MRPS27: variants seen among roughly 807,000 people sequenced by gnomAD.
MRPS27 encodes the protein small ribosomal subunit protein mS27.
In MRPS27, 43 loss-of-function variants were observed where a neutral mutation model predicts 48.9. The observed-to-expected ratio is 0.88, with a 90% confidence interval of 0.69 to 1.13. MRPS27 has a LOEUF of 1.13. Ranked by LOEUF, MRPS27 falls within the 50% of genes most tolerant of loss-of-function variation. The pLI, the probability that MRPS27 is intolerant of heterozygous loss-of-function variation, is 0.00. For synonymous variants in MRPS27, 188 were observed against 171.9 expected (o/e 1.09, Z -0.73); for missense variants, 467 against 476.3 (o/e 0.98, Z 0.18).
At chr5:72,276,966 G>C (rs1211393087) in intron 4 of MRPS27, among the ~76,000 whole-genome samples, 1 of 152,062 alleles carries the variant, frequency 6.6e-6, no homozygotes, top group African/African-American at 2.4e-5. Flanking sequence ...AGGAGGCGGA[G>C]GTTGCAATGA....
At chr5:72,291,245 CA>C (rs763719934) in intron 4 of MRPS27, among the ~76,000 whole-genome samples, 12 of 151,972 alleles carry the variant, frequency 7.9e-5, no homozygotes, top group Admixed American at 5.9e-4. Context: ...ATTTAAAACC[CA>C]AAAAACCTAA....
In MRPS27 at chr5:72,226,135, T is replaced by C; in HGVS notation, c.759A>G (p.Pro253=). The change falls in exon 9 of 11, where the codon CCA becomes CCG. Residue 253 remains proline (P), a synonymous_variant. Coordinates refer to ENST00000261413, the MANE Select transcript of MRPS27 (RefSeq NM_015084.3). ...VYHNMPLIWK[P]GYLDRALQVM... is the part of the protein sequence containing the mutation. Reference sequence around the variant, plus strand: ...CTTGAAGGGCTCTGTCAAGGTAGCCTGGTTTCCATATCAGAGGCATGTTGT... The same window carrying C: ...CTTGAAGGGCTCTGTCAAGGTAGCCCGGTTTCCATATCAGAGGCATGTTGT... The C allele has an allele frequency of 1.2e-6, 2 of 1,613,860 alleles. No individual in the cohort carries two copies. Among genetic ancestry groups the C allele is most frequent in the Non-Finnish European group, 1.7e-6 (2 of 1,179,840 alleles).
chr5:72,254,360 G>A (rs1046369856), intron 4 of MRPS27, among the ~76,000 whole-genome samples: 10 of 152,092 alleles, frequency 6.6e-5, no homozygotes, highest in African/African-American at 2.4e-4. Flanking sequence ...GGTGTGTGGT[G>A]GTGTGCACAC....
intron 4 of MRPS27, among the ~76,000 whole-genome samples, chr5:72,283,202 C>A (rs1749576517): frequency 6.6e-6 from 1 of 152,208 alleles, no homozygotes; most frequent in South Asian, 2.1e-4. Flanking sequence ...CCAGTCACCT[C>A]TTTCTTCCCA....
At chr5:72,285,061 G>A (rs56389225) in intron 4 of MRPS27, among the ~76,000 whole-genome samples, 4 of 152,230 alleles carry the variant, frequency 2.6e-5, no homozygotes, top group South Asian at 2.1e-4. Context: ...AAGTTGTACC[G>A]ATTTATATAT....
In MRPS27 at chr5:72,295,333, C is replaced by A. The variant is rs566886381; in HGVS notation, c.281+198G>T. The stretch of plus-strand genomic sequence containing the variant: ...AACCTAGAGGTCCATAAAAAGGGAA[C>A]TGGTTTAAATAATAAACTCACAGTA... On this transcript the variant is annotated intron_variant, in intron 4 of 10. Transcript: ENST00000261413. 2.3e-4 allele frequency: 109 copies of A among 481,620 alleles called. 1 individual carries two copies. In the South Asian group the frequency reaches 3.9e-3, roughly 17 times the overall value. 29.8% of individuals were successfully genotyped at this position (481,620 alleles called of 1,614,324 possible). A position where few individuals can be genotyped will look rare whatever the true frequency, so the allele number is the denominator to read the frequency against.
At chr5:72,309,666 C>A (rs1750385363) in intron 2 of MRPS27, among the ~76,000 whole-genome samples, 1 of 152,238 alleles carries the variant, frequency 6.6e-6, no homozygotes, top group African/African-American at 2.4e-5. Flanking sequence ...AACACCAAGA[C>A]ACCAAACCTA....
chr5:72,255,239 T>C (rs973277610), intron 4 of MRPS27, among the ~76,000 whole-genome samples: 36 of 151,942 alleles, frequency 2.4e-4, no homozygotes, highest in Middle Eastern at 3.4e-3. Context: ...TTAGTACAGA[T>C]AGGGTTTCTC....
intron 4 of MRPS27, among the ~76,000 whole-genome samples, chr5:72,284,671 G>C (rs1371817676): frequency 2.0e-5 from 3 of 152,094 alleles, no homozygotes; most frequent in Non-Finnish European, 2.9e-5. Flanking sequence ...TCATTCCAGA[G>C]ATATTTTATG....
chr5:72,259,669 T>C (rs967786130), intron 4 of MRPS27, among the ~76,000 whole-genome samples: 2 of 152,156 alleles, frequency 1.3e-5, no homozygotes, highest in African/African-American at 2.4e-5. Flanking sequence ...TGGTGTTTAT[T>C]TGACTAATTC....
intron 1 of MRPS27, among the ~76,000 whole-genome samples, chr5:72,318,338 C>T (rs1750616235): frequency 6.6e-6 from 1 of 152,258 alleles, no homozygotes; most frequent in Non-Finnish European, 1.5e-5. Flanking sequence ...GCCAACTGTA[C>T]TCCCGCATAC....
chr5:72,280,719 C>A (rs1298569486), intron 4 of MRPS27, among the ~76,000 whole-genome samples: 1 of 152,208 alleles, frequency 6.6e-6, no homozygotes, highest in Non-Finnish European at 1.5e-5. Context: ...ATGCTCCCAG[C>A]CCACAGAACA....
rs139794416 is a variant in MRPS27 at position 72,291,587 on chromosome 5, A to G, written c.281+3944T>C. On this transcript the variant is annotated intron_variant, in intron 4 of 10. Transcript: ENST00000261413. ...AAAATCAATGATTTTTATTGGCAAG[A>G]AAGACACAGATGCTGTTAATATTAT... Among the ~76,000 whole-genome samples the G allele has an allele frequency of 3.9e-5, 6 of 152,384 alleles. No individual in the cohort carries two copies. In the East Asian group the frequency reaches 9.6e-4, roughly 24 times the overall value.
intron 4 of MRPS27, chr5:72,241,620 G>A: frequency 1.3e-6 from 2 of 1,530,866 alleles, no homozygotes; most frequent in African/African-American, 2.7e-5. Context: ...TATGTCAGGT[G>A]AGTGAGTCTC....
intron 2 of MRPS27, among the ~76,000 whole-genome samples, chr5:72,311,528 A>G (rs2112087907): frequency 6.6e-6 from 1 of 152,284 alleles, no homozygotes; most frequent in East Asian, 1.9e-4. Flanking sequence ...TCATGGACTA[A>G]TGGGTTAATG....
At chr5:72,235,364 A>G (rs1014292490) in intron 5 of MRPS27, among the ~76,000 whole-genome samples, 1 of 152,152 alleles carries the variant, frequency 6.6e-6, no homozygotes, top group South Asian at 2.1e-4. Flanking sequence ...ACAAACAAAC[A>G]AACAAGCAAA....
chr5:72,234,186 TCCA>T lies in MRPS27; in HGVS notation c.405_407del (p.Tyr135_Gly136delinsTer), dbSNP rs1748139269. Reference sequence around the variant, plus strand: ...TGAATGTAAAGTTATCTGGAAAAATTCCATATTGAACCTATAATGAAAATGAAC... The same window carrying T: ...TGAATGTAAAGTTATCTGGAAAAATTTATTGAACCTATAATGAAAATGAAC... On this transcript the variant is annotated stop_gained and inframe_deletion, in exon 6 of 11. Coordinates refer to ENST00000261413, the MANE Select transcript of MRPS27 (RefSeq NM_015084.3). LOFTEE classifies it high-confidence loss of function. 2 of 1,505,330 alleles carry T rather than the reference TCCA, an allele frequency of 1.3e-6. No homozygotes were observed. The highest frequency in any genetic ancestry group is 1.8e-6 in the Non-Finnish European group (2 of 1,130,698). The allele number at this position is 1,505,330 out of a possible 1,614,324, so 93.2% of individuals were successfully genotyped here.
At chr5:72,310,551 A>G (rs1750418167) in intron 2 of MRPS27, among the ~76,000 whole-genome samples, 1 of 152,250 alleles carries the variant, frequency 6.6e-6, no homozygotes, top group Non-Finnish European at 1.5e-5. Context: ...ATGATAATAA[A>G]CAGATAAATG....
At chr5:72,261,289 T>C (rs2112001710) in intron 4 of MRPS27, among the ~76,000 whole-genome samples, 1 of 152,296 alleles carries the variant, frequency 6.6e-6, no homozygotes, top group Non-Finnish European at 1.5e-5. Flanking sequence ...TCTCGTTTTG[T>C]TGCCCAGGCT....
Sources: gnomAD v4.1 joint callset for allele counts (sites outside exome capture counted in the v4.1 genomes callset) on GRCh38, gnomAD v4.1.1 for gene constraint, MANE v1.5 for transcripts, NCBI Gene and HGNC (gene_info 2026-07-23, HGNC 2026-07-21) for gene names.